The following CAP2 variants were observed in gnomAD, a reference collection of about 807,000 sequenced individuals.
CAP2 encodes cyclase associated actin cytoskeleton regulatory protein 2.
A neutral mutation model predicts 57.7 loss-of-function variants in CAP2; 24 were observed. The ratio of observed to expected loss-of-function variants is 0.42; its 90% CI spans 0.30 to 0.58. The LOEUF is 0.58. Ranked by LOEUF, CAP2 falls within the 20% of genes least tolerant of loss-of-function variation. The pLI is 0.22. For missense variants in CAP2, 501 were observed against 590.3 expected (o/e 0.85, Z 1.57); for synonymous variants, 194 against 207.2 (o/e 0.94, Z 0.55).
rs189080866 is a variant in CAP2, at chr6:17,421,914, G to T, written c.121+238G>T. On this transcript the variant is annotated intron_variant, in intron 2 of 12. Transcript: ENST00000229922. Reference sequence around the variant, plus strand: ...CTGTGCCTTTTAGAGACAGGGTCTCGCTCTATCACCCAGGCTGGAGTGCAG... The same window carrying T: ...CTGTGCCTTTTAGAGACAGGGTCTCTCTCTATCACCCAGGCTGGAGTGCAG... 2.0e-5 allele frequency among the ~76,000 whole-genome samples: 3 copies of T among 152,316 alleles called. No individual in the cohort carries two copies. The South Asian group carries it at 6.2e-4, about 32-fold the overall frequency.
intron 3 of CAP2, among the ~76,000 whole-genome samples, chr6:17,431,908 G>A (rs1204545577): frequency 6.6e-6 from 1 of 151,984 alleles, no homozygotes; most frequent in Non-Finnish European, 1.5e-5. Flanking sequence ...ATTATAAAGA[G>A]CATCTTCAGC....
rs1414919387 is a variant in CAP2, at chr6:17,513,588, C to T, written c.531-261C>T. On this transcript the variant is annotated intron_variant, in intron 6 of 12. Transcript: ENST00000229922. The surrounding 1 kb of genome is among the most constrained non-coding windows in gnomAD (Gnocchi z 4.3). Reference sequence around the variant, plus strand: ...CCTACTCAAGTCAGCTTAGCTCTGTCGGGTCCCCTCTCTGTGGTACCTCTG... The same window carrying T: ...CCTACTCAAGTCAGCTTAGCTCTGTTGGGTCCCCTCTCTGTGGTACCTCTG... 1.3e-5 allele frequency among the ~76,000 whole-genome samples: 2 copies of T among 152,078 alleles called. No homozygotes were observed. The highest frequency in any genetic ancestry group is 2.9e-5 in the Non-Finnish European group (2 of 68,012).
intron 3 of CAP2, among the ~76,000 whole-genome samples, chr6:17,461,373 T>G (rs1274853779): frequency 6.6e-6 from 1 of 151,956 alleles, no homozygotes; most frequent in Admixed American, 6.5e-5. Flanking sequence ...ACTACAGGCA[T>G]GCACCACCAT....
chr6:17,461,132 G>A (rs1040449801), intron 3 of CAP2, among the ~76,000 whole-genome samples: 2 of 151,630 alleles, frequency 1.3e-5, no homozygotes, highest in African/African-American at 4.8e-5. Flanking sequence ...CTGGGTGACA[G>A]AGTGAGACCA....
At chr6:17,473,501 G>A (rs1761074919) in intron 4 of CAP2, among the ~76,000 whole-genome samples, 1 of 152,152 alleles carries the variant, frequency 6.6e-6, no homozygotes, top group Non-Finnish European at 1.5e-5. Flanking sequence ...TTAGAAAGAG[G>A]TCACTGTGTC....
chr6:17,461,992 CAAAAAAAAAAA>C (rs567675285), intron 3 of CAP2, among the ~76,000 whole-genome samples: 27 of 27,866 alleles, frequency 9.7e-4, no homozygotes, highest in East Asian at 3.3e-3. Flanking sequence ...GACTCCGTCT[CAAAAAAAAAAA>C]AAAAAAAAAA....
intron 3 of CAP2, among the ~76,000 whole-genome samples, chr6:17,448,776 T>C (rs1004605641): frequency 1.1e-4 from 17 of 152,238 alleles, no homozygotes; most frequent in African/African-American, 3.6e-4. Context: ...ATCTTTTTTT[T>C]TTTTTGAGAC....
intron 7 of CAP2, among the ~76,000 whole-genome samples, chr6:17,524,616 G>A (rs1762461149): frequency 6.6e-6 from 1 of 152,116 alleles, no homozygotes; most frequent in Non-Finnish European, 1.5e-5. Context: ...AAATTAAGGG[G>A]GAAGTTATTC....
intron 4 of CAP2, among the ~76,000 whole-genome samples, 178 bp downstream of exon 4, chr6:17,463,251 T>C (rs970800550): frequency 6.7e-6 from 1 of 150,220 alleles, no homozygotes; most frequent in African/African-American, 2.5e-5. Flanking sequence ...TCTCCTAATC[T>C]CATTAATAGT....
chr6:17,458,008 G>T (rs371091455), intron 3 of CAP2, among the ~76,000 whole-genome samples: 1 of 152,200 alleles, frequency 6.6e-6, no homozygotes, highest in Admixed American at 6.5e-5. Flanking sequence ...CTGGGGAAAA[G>T]TGCACTTATT....
chr6:17,532,423 G>A (rs1762667606), intron 7 of CAP2, among the ~76,000 whole-genome samples: 3 of 149,916 alleles, frequency 2.0e-5, no homozygotes, highest in African/African-American at 4.9e-5. Flanking sequence ...TTACAGGCGT[G>A]AGCCACCGCG....
intron 1 of CAP2, among the ~76,000 whole-genome samples, chr6:17,400,890 G>A (rs1758793574): frequency 6.6e-6 from 1 of 151,446 alleles, no homozygotes; most frequent in Non-Finnish European, 1.5e-5. Context: ...AGAATCACTG[G>A]ATTCTTATGA....
chr6:17,469,469 A>G (rs1760959579), intron 4 of CAP2, among the ~76,000 whole-genome samples: 1 of 151,906 alleles, frequency 6.6e-6, no homozygotes, highest in Non-Finnish European at 1.5e-5. Flanking sequence ...ATCAATATGT[A>G]CCTGCACATA....
intron 1 of CAP2, among the ~76,000 whole-genome samples, chr6:17,412,434 G>A (rs1194881792): frequency 1.3e-5 from 2 of 152,208 alleles, no homozygotes; most frequent in African/African-American, 2.4e-5. Context: ...GACAGATTAA[G>A]TAGTCTGTCT....
chr6:17,531,217 A>G, intron 7 of CAP2: 1 of 773,524 alleles, frequency 1.3e-6, no homozygotes, highest in Non-Finnish European at 2.3e-6. Flanking sequence ...GGGTACCCCC[A>G]TGCAGTGTAT....
intron 1 of CAP2, among the ~76,000 whole-genome samples, chr6:17,396,746 G>A (rs1014669157): frequency 3.3e-5 from 5 of 152,076 alleles, no homozygotes; most frequent in African/African-American, 1.2e-4. Context: ...AGTGATAGTC[G>A]CACGTATCTG....
chr6:17,537,853 G>C (rs1359083116), intron 7 of CAP2, among the ~76,000 whole-genome samples: 1 of 152,038 alleles, frequency 6.6e-6, no homozygotes, highest in African/African-American at 2.4e-5. Flanking sequence ...ATAATCTTGA[G>C]GTCAGGAGTT....
chr6:17,437,605 G>A (rs969048872), intron 3 of CAP2, among the ~76,000 whole-genome samples: 5 of 152,108 alleles, frequency 3.3e-5, no homozygotes, highest in African/African-American at 7.2e-5. Context: ...CAGGCTGGGC[G>A]TGGTGGCTCA....
intron 7 of CAP2, among the ~76,000 whole-genome samples, chr6:17,526,281 C>T (rs543273973): frequency 6.6e-6 from 1 of 152,150 alleles, no homozygotes; most frequent in African/African-American, 2.4e-5. Context: ...CCATACCTGA[C>T]TAATTTTTGT....
Sources: gnomAD v4.1 joint callset for allele counts (sites outside exome capture counted in the v4.1 genomes callset) on GRCh38, gnomAD v4.1.1 for gene constraint, Gnocchi (gnomAD v3.1) non-coding constraint, MANE v1.5 for transcripts, NCBI Gene and HGNC (gene_info 2026-07-23, HGNC 2026-07-21) for gene names.